The following MALT1 variants were observed in gnomAD, a reference collection of about 807,000 sequenced individuals.
MALT1 encodes the protein MALT1 paracaspase.
A neutral mutation model predicts 85.5 loss-of-function variants in MALT1; 36 were observed. The observed-to-expected ratio is 0.42, with a 90% CI of 0.32 to 0.56. The LOEUF is 0.56. Among genes scored for constraint, MALT1 ranks in the 20% least tolerant of loss-of-function variants. The pLI is 0.10. For synonymous variants in MALT1, 359 were observed against 361.3 expected, an observed-to-expected ratio of 0.99 and a Z score of 0.07; for missense variants, 716 against 981.6, an observed-to-expected ratio of 0.73 and a Z score of 3.62.
intron 9 of MALT1, among the ~76,000 whole-genome samples, chr18:58,720,361 G>C (rs1231473925): frequency 6.6e-6 from 1 of 151,630 alleles, no homozygotes; most frequent in Admixed American, 6.6e-5. Flanking sequence ...ACTACTTCTC[G>C]ATCTTCCATC....
intron 14 of MALT1, among the ~76,000 whole-genome samples, chr18:58,742,264 A>G (rs376868433): frequency 6.6e-6 from 1 of 152,146 alleles, no homozygotes; most frequent in Non-Finnish European, 1.5e-5. Flanking sequence ...AAATTTTTCT[A>G]TTTTTAAAAT....
chr18:58,751,515 A>T lies in MALT1; in HGVS notation c.*3673A>T, dbSNP rs948272652. The T allele has an allele frequency of 1.1e-4, 17 of 152,276 alleles. No homozygotes were observed. Among genetic ancestry groups the T allele is most frequent in the Middle Eastern group, 3.4e-3 (1 of 294 alleles). 9.4% of individuals were successfully genotyped at this position (152,276 alleles called of 1,614,324 possible). A position where few individuals can be genotyped will look rare whatever the true frequency, so the allele number is the denominator to read the frequency against. On this transcript the variant is annotated 3_prime_UTR_variant, in exon 17 of 17. Transcript: ENST00000649217. ...AACAGGAGAATCGCATGAATTTTTTAAAAAATCTAAACATGTAATTTTAAA... is the reference window on the plus strand; with the variant it reads ...AACAGGAGAATCGCATGAATTTTTTTAAAAATCTAAACATGTAATTTTAAA...
intron 9 of MALT1, among the ~76,000 whole-genome samples, chr18:58,717,358 G>T (rs2054916888): frequency 7.1e-6 from 1 of 141,142 alleles, no homozygotes; most frequent in Non-Finnish European, 1.5e-5. Flanking sequence ...GTGAAACTCT[G>T]TCTCAAAAAA....
At chr18:58,715,438 C>T (rs1030445964) in intron 8 of MALT1, among the ~76,000 whole-genome samples, 19 of 151,886 alleles carry the variant, frequency 1.3e-4, no homozygotes, top group Admixed American at 2.6e-4. Flanking sequence ...CAGTAGTGGA[C>T]ACACAACTGA....
At position 58,745,719 on chromosome 18, in the gene MALT1, C is replaced by T. The variant is rs1250215539; in HGVS notation, c.1965C>T (p.Gly655=). The T allele has an allele frequency of 1.2e-6, 2 of 1,613,366 alleles. No homozygotes were observed. The change falls in exon 16 of 17, where the codon GGC becomes GGT. Residue 655 remains glycine, a synonymous_variant. Transcript: ENST00000649217. ...DANKGTPEET[G]SYLVSKDLPK... ...ATAAAGGCACACCTGAAGAAACTGG[C>T]AGCTACTTGGTATCAAAGGATCTTC...
intron 14 of MALT1, among the ~76,000 whole-genome samples, chr18:58,743,589 C>T (rs1383843459): frequency 6.6e-6 from 1 of 151,628 alleles, no homozygotes; most frequent in Non-Finnish European, 1.5e-5. Context: ...ATGAAAAGGT[C>T]ATATAGAAAA....
chr18:58,673,318 A>T (rs960526184), intron 1 of MALT1, among the ~76,000 whole-genome samples: 1 of 152,260 alleles, frequency 6.6e-6, no homozygotes, highest in Non-Finnish European at 1.5e-5. Flanking sequence ...TTACAATAAC[A>T]TATTAAATGC....
In MALT1 at chr18:58,747,517, T is replaced by G; in HGVS notation, c.2150T>G (p.Met717Arg). The G allele has an allele frequency of 6.2e-7, 1 of 1,614,150 alleles. No individual in the cohort carries two copies. Residue 717 changes from methionine to arginine, a missense_variant, in exon 17 of 17, where the codon ATG (methionine) becomes AGG (arginine). Around this residue, in one of 4 missense-constraint regions of MALT1, gnomAD observed 260 missense variants for 323.7 expected, o/e 0.80. Transcript: ENST00000649217. ...AAACCTCTCATTGCTAAATTAGACA[T>G]GCATCGAGGTTTGGGAAGGAAGACT... ...VGKPLIAKLD[M>R]HRGLGRKTCF... is the part of the protein sequence containing the mutation.
chr18:58,747,665 T>C lies in MALT1; in HGVS notation c.2298T>C (p.Gly766=), dbSNP rs761881766. ...ATGGTGTTTACCATTCACATCCTGG[T>C]AATCCAAGTAATGTTACACCAGCAG... ...PFHGVYHSHP[G]NPSNVTPADS... Residue 766 remains glycine, a synonymous_variant, in exon 17 of 17, where the codon GGT becomes GGC. Coordinates refer to ENST00000649217, the MANE Select transcript of MALT1 (RefSeq NM_006785.4). 2 of 1,614,200 alleles carry C rather than the reference T, an allele frequency of 1.2e-6. No individual in the cohort carries two copies. Among genetic ancestry groups the C allele is most frequent in the South Asian group, 2.2e-5 (2 of 91,082 alleles).
In MALT1 at chr18:58,752,616, CAA is replaced by C. The variant is rs34321301; in HGVS notation, c.*4794_*4795del. The C allele has an allele frequency of 0.065, 7,106 of 109,494 alleles. 275 individuals are homozygous for C. The highest frequency in any genetic ancestry group is 0.23 in the East Asian group (830 of 3,686). The allele number at this position is 109,494 out of a possible 1,614,324, so 6.8% of individuals were successfully genotyped here. ...CAACATGGTGAAACCCCATCTCTAC[CAA>C]AAAAAAAAAAAAAAAAAAAGCAAAA... On this transcript the variant is annotated 3_prime_UTR_variant, in exon 17 of 17. Transcript: ENST00000649217.
At chr18:58,715,815 C>A (rs2054891403) in intron 8 of MALT1, 120 bp from the exon 9 acceptor site, 3 of 721,800 alleles carry the variant, frequency 4.2e-6, no homozygotes. Flanking sequence ...TATTAAAAAT[C>A]TGAAGAGTAG....
At chr18:58,737,658 C>G (rs1220962279) in intron 13 of MALT1, among the ~76,000 whole-genome samples, 1 of 152,152 alleles carries the variant, frequency 6.6e-6, no homozygotes, top group Non-Finnish European at 1.5e-5. Flanking sequence ...TCTTGGCTTA[C>G]TGCAACGTCC....
rs2055419962 is a variant in MALT1, at chr18:58,749,644, G to A, written c.*1802G>A. 1 of 219,386 alleles carries A rather than the reference G, an allele frequency of 4.6e-6. No homozygotes were observed. The highest frequency in any genetic ancestry group is 5.8e-5 in the Admixed American group (1 of 17,316). 13.6% of individuals were successfully genotyped at this position (219,386 alleles called of 1,614,324 possible). A position where few individuals can be genotyped will look rare whatever the true frequency, so the allele number is the denominator to read the frequency against. ...GAGGGTTATAAATTTTAGCAAGTTG[G>A]TAAATTCACAAATACATAACCTTGA... On this transcript the variant is annotated 3_prime_UTR_variant, in exon 17 of 17. Transcript: ENST00000649217.
intron 9 of MALT1, 34 bp from the exon 10 acceptor site, chr18:58,723,014 T>A: frequency 6.6e-7 from 1 of 1,514,228 alleles, no homozygotes; most frequent in Non-Finnish European, 9.1e-7. Context: ...TCTTTATATC[T>A]TCTTTAAACA....
Position 58,703,085 on chromosome 18 carries a change from G to A in MALT1, c.649+2494G>A, listed in dbSNP as rs182990255. Among the ~76,000 whole-genome samples, 222 of 152,264 alleles carry A rather than the reference G, an allele frequency of 1.5e-3. 1 individual carries two copies. The highest frequency in any genetic ancestry group is 5.6e-3 in the Admixed American group (86 of 15,296). On this transcript the variant is annotated intron_variant, in intron 4 of 16. Transcript: ENST00000649217. ...TTGAGAAATAAAATATCGGTCAGGC[G>A]CAATGGCTCACACCAGTACTCCCAG...
At chr18:58,699,036 G>T (rs2144358361) in intron 3 of MALT1, among the ~76,000 whole-genome samples, 1 of 152,324 alleles carries the variant, frequency 6.6e-6, no homozygotes, top group Non-Finnish European at 1.5e-5. Context: ...AGACTGAGAA[G>T]ACTTCTTTCT....
At chr18:58,675,876 CT>C (rs2054232411) in intron 1 of MALT1, among the ~76,000 whole-genome samples, 1 of 152,184 alleles carries the variant, frequency 6.6e-6, no homozygotes, top group South Asian at 2.1e-4. Context: ...TAAGACACGT[CT>C]TAAATATAAC....
intron 2 of MALT1, among the ~76,000 whole-genome samples, chr18:58,695,808 G>A (rs1395548884): frequency 6.6e-6 from 1 of 152,154 alleles, no homozygotes. Flanking sequence ...AGAGCCTCCC[G>A]CTAGGCCCTA....
intron 2 of MALT1, chr18:58,691,252 A>T: frequency 2.4e-6 from 1 of 408,492 alleles, no homozygotes; most frequent in Non-Finnish European, 4.7e-6. Context: ...GGCTATCCTT[A>T]CCCCTATCTC....
Sources: gnomAD v4.1 joint callset for allele counts (sites outside exome capture counted in the v4.1 genomes callset) on GRCh38, gnomAD v4.1.1 for gene constraint, gnomAD v4.1.1 regional missense constraint, MANE v1.5 for transcripts, NCBI Gene and HGNC (gene_info 2026-07-23, HGNC 2026-07-21) for gene names.